MARCHF3: variants seen among roughly 807,000 people sequenced by gnomAD.
MARCHF3 encodes E3 ubiquitin-protein ligase MARCHF3.
Under a neutral mutation model 24.2 loss-of-function variants are expected in MARCHF3, and 13 were observed. That is an observed-to-expected ratio of 0.54 (90% CI 0.35 to 0.85). The LOEUF (loss-of-function observed/expected upper bound fraction) is 0.85. Among genes scored for constraint, MARCHF3 ranks in the 40% least tolerant of loss-of-function variants. MARCHF3 has a pLI of 0.01. For missense variants in MARCHF3, 276 were observed against 325.0 expected, an observed-to-expected ratio of 0.85 and a Z score of 1.16; for synonymous variants, 144 against 137.3, an observed-to-expected ratio of 1.05 and a Z score of -0.34.
chr5:126,941,597 G>A (rs1335993303), intron 1 of MARCHF3, among the ~76,000 whole-genome samples: 1 of 152,214 alleles, frequency 6.6e-6, no homozygotes, highest in Non-Finnish European at 1.5e-5. Context: ...AAGCAGAACT[G>A]ACTTGCATCT....
intron 1 of MARCHF3, among the ~76,000 whole-genome samples, chr5:126,997,915 T>C (rs879782997): frequency 6.6e-6 from 1 of 152,224 alleles, no homozygotes; most frequent in Non-Finnish European, 1.5e-5. Context: ...TTAAGCCTAT[T>C]GACTGTTTAT....
chr5:126,876,800 C>A (rs1252885417), intron 4 of MARCHF3, among the ~76,000 whole-genome samples: 1 of 152,166 alleles, frequency 6.6e-6, no homozygotes. Context: ...CAGACATGCA[C>A]CACGATGCCC....
chr5:126,968,447 G>A (rs921114761), intron 1 of MARCHF3, among the ~76,000 whole-genome samples: 6 of 152,138 alleles, frequency 3.9e-5, no homozygotes, highest in African/African-American at 1.4e-4. Context: ...ATGTGAAATG[G>A]CATCTCATTG....
intron 1 of MARCHF3, among the ~76,000 whole-genome samples, chr5:126,963,001 A>T (rs140328716): frequency 0.014 from 2,064 of 152,222 alleles, 16 homozygotes; most frequent in Non-Finnish European, 0.022. Flanking sequence ...GGGCAACTTG[A>T]CGTTCTCTAA....
chr5:126,885,877 T>C (rs1753495455), intron 3 of MARCHF3, among the ~76,000 whole-genome samples: 2 of 152,040 alleles, frequency 1.3e-5, no homozygotes, highest in South Asian at 4.1e-4. Context: ...AAACTTTTTT[T>C]CCTAAGATGT....
intron 1 of MARCHF3, among the ~76,000 whole-genome samples, chr5:127,003,259 C>G (rs1752190019): frequency 6.6e-6 from 1 of 151,532 alleles, no homozygotes; most frequent in Non-Finnish European, 1.5e-5. Flanking sequence ...GCGGGCGGAA[C>G]ACGAGGTCAG....
intron 1 of MARCHF3, among the ~76,000 whole-genome samples, chr5:127,023,843 G>A (rs993256198): frequency 2.6e-5 from 4 of 152,084 alleles, no homozygotes; most frequent in African/African-American, 9.7e-5. Flanking sequence ...CTGAACTTCA[G>A]ACATTAGCAG....
At chr5:126,928,703 T>C (rs907129791) in intron 1 of MARCHF3, among the ~76,000 whole-genome samples, 2 of 152,204 alleles carry the variant, frequency 1.3e-5, no homozygotes, top group African/African-American at 4.8e-5. Context: ...TTTATTTTAC[T>C]TTTTGCATTT....
chr5:127,005,133 CTTTTTTTTT>C (rs937505290), intron 1 of MARCHF3, among the ~76,000 whole-genome samples: 5 of 122,542 alleles, frequency 4.1e-5, no homozygotes, highest in Admixed American at 8.6e-5. Context: ...CTCAGAAAGT[CTTTTTTTTT>C]TTTTTTTTTT....
At chr5:127,007,738 T>A (rs1012282385) in intron 1 of MARCHF3, among the ~76,000 whole-genome samples, 1 of 152,188 alleles carries the variant, frequency 6.6e-6, no homozygotes, top group African/African-American at 2.4e-5. Context: ...GCACAAATAG[T>A]GATGACATCT....
chr5:126,867,864 A>G lies in MARCHF3; in HGVS notation c.*2769T>C, dbSNP rs1752819369. On this transcript the variant is annotated 3_prime_UTR_variant, in exon 5 of 5. Coordinates refer to ENST00000308660, the MANE Select transcript of MARCHF3 (RefSeq NM_178450.5). ...TGAGCACATATGCAGGGCAGGCAAG[A>G]GCATGCTGGATTTGTCTTAGTTGTT... 6.6e-6 allele frequency: 1 copy of G among 152,200 alleles called. No individual in the cohort carries two copies. The allele number at this position is 152,200 out of a possible 1,614,324, so 9.4% of individuals were successfully genotyped here. A position where few individuals can be genotyped will look rare whatever the true frequency, so the allele number is the denominator to read the frequency against.
chr5:126,997,405 G>A (rs1292217311), intron 1 of MARCHF3, among the ~76,000 whole-genome samples: 2 of 152,126 alleles, frequency 1.3e-5, no homozygotes, highest in Non-Finnish European at 2.9e-5. Flanking sequence ...GAGAAGACAA[G>A]AAAAAACATG....
intron 2 of MARCHF3, among the ~76,000 whole-genome samples, chr5:126,917,720 C>T (rs563575400): frequency 2.0e-5 from 3 of 152,296 alleles, no homozygotes; most frequent in South Asian, 2.1e-4. Context: ...ATAACAACCC[C>T]GTATCTTGTG....
rs761456217 is a variant in MARCHF3 at position 126,873,648 on chromosome 5, A to T, written c.604-2857T>A. Among the ~76,000 whole-genome samples the T allele has an allele frequency of 2.4e-4, 37 of 152,372 alleles. 1 individual carries two copies. The highest frequency in any genetic ancestry group is 6.8e-3 in the Middle Eastern group (2 of 294). On this transcript the variant is annotated intron_variant, in intron 4 of 4. Coordinates refer to ENST00000308660, the MANE Select transcript of MARCHF3 (RefSeq NM_178450.5). ...CTTCAAGGAACACAGGGAGTCAGCGACTTAGCAGGTCTCCTGGTTCCATGG... is the reference window on the plus strand; with the variant it reads ...CTTCAAGGAACACAGGGAGTCAGCGTCTTAGCAGGTCTCCTGGTTCCATGG...
At chr5:126,942,155 C>T (rs1432399443) in intron 1 of MARCHF3, among the ~76,000 whole-genome samples, 1 of 152,172 alleles carries the variant, frequency 6.6e-6, no homozygotes, top group Non-Finnish European at 1.5e-5. Context: ...GCAATAAAAA[C>T]ATTGAAAGCT....
At chr5:126,927,761 GA>G (rs1470667825) in intron 1 of MARCHF3, among the ~76,000 whole-genome samples, 1 of 152,188 alleles carries the variant, frequency 6.6e-6, no homozygotes, top group East Asian at 1.9e-4. Context: ...CACTCAGAAG[GA>G]AGGTCCTGAA....
chr5:126,949,547 C>T (rs1750143269), intron 1 of MARCHF3, among the ~76,000 whole-genome samples: 1 of 152,166 alleles, frequency 6.6e-6, no homozygotes, highest in Non-Finnish European at 1.5e-5. Flanking sequence ...GAAAATACTC[C>T]ATCTCTCTCC....
rs768316929 is a variant in MARCHF3, at chr5:126,914,934, A to G, written c.389T>C (p.Val130Ala). The G allele has an allele frequency of 1.2e-6, 2 of 1,613,962 alleles. No individual in the cohort carries two copies. The highest frequency in any genetic ancestry group is 1.7e-6 in the Non-Finnish European group (2 of 1,180,024). ...FAVERKPRPL[V>A]EWLRNPGPQH... is the part of the protein sequence containing the mutation. The stretch of plus-strand genomic sequence containing the variant: ...GGACGTGCCCCACTTACTGACCTCC[A>G]CTAACGGCCTGGGTTTGCGCTCGAC... The change falls in exon 3 of 5, where the codon GTG (valine) becomes GCG (alanine). Residue 130 changes from valine (V) to alanine (A), a missense_variant. Transcript: ENST00000308660.
chr5:126,947,782 C>A (rs1286315381), intron 1 of MARCHF3, among the ~76,000 whole-genome samples: 5 of 152,220 alleles, frequency 3.3e-5, no homozygotes, highest in East Asian at 3.9e-4. Flanking sequence ...TCCTACCTCA[C>A]CCTGGCCAAT....
Sources: allele counts gnomAD v4.1 joint callset (sites outside exome capture counted in the v4.1 genomes callset), GRCh38; gene constraint gnomAD v4.1.1; transcripts MANE v1.5; gene names NCBI Gene and HGNC (gene_info 2026-07-23, HGNC 2026-07-21).